ABCC3: variants seen among roughly 807,000 people sequenced by gnomAD.
ABCC3 encodes the protein ATP-binding cassette sub-family C member 3.
In ABCC3, 121 loss-of-function variants were observed where a neutral mutation model predicts 165.3. That is an observed-to-expected ratio of 0.73 (90% confidence interval 0.63 to 0.85). The LOEUF (loss-of-function observed/expected upper bound fraction) is 0.85. ABCC3 is among the 40% of genes least tolerant of loss of function. ABCC3 has a pLI of 0.00. For synonymous variants in ABCC3, 733 were observed against 810.1 expected, an observed-to-expected ratio of 0.90 and a Z score of 1.62; for missense variants, 1,869 against 1,964.1, an observed-to-expected ratio of 0.95 and a Z score of 0.92.
chr17:50,646,658 A>C (rs1471475746), intron 1 of ABCC3, among the ~76,000 whole-genome samples: 2 of 152,194 alleles, frequency 1.3e-5, no homozygotes, highest in Non-Finnish European at 2.9e-5. Flanking sequence ...GGAAGGGGAA[A>C]ACCATGCAGG....
Position 50,634,912 on chromosome 17 carries a change from T to C in ABCC3, c.-25T>C. 8.0e-7 allele frequency: 1 copy of C among 1,253,376 alleles called. No homozygotes were observed. The highest frequency in any genetic ancestry group is 3.3e-5 in the South Asian group (1 of 30,756). The allele number at this position is 1,253,376 out of a possible 1,614,324, so 77.6% of individuals were successfully genotyped here. A position where few individuals can be genotyped will look rare whatever the true frequency, so the allele number is the denominator to read the frequency against. On this transcript the variant is annotated 5_prime_UTR_variant, in exon 1 of 31. Transcript: ENST00000285238. ...GCCGCTGGGTCCGACCGCGCTCGCC[T>C]TCCTTGCAGCCGCGCCTCGGCCCCA...
At chr17:50,655,526 A>C (rs1967219784) in intron 1 of ABCC3, among the ~76,000 whole-genome samples, 1 of 151,984 alleles carries the variant, frequency 6.6e-6, no homozygotes, top group Non-Finnish European at 1.5e-5. Context: ...GCAGTTTTGC[A>C]GGTGTATACA....
chr17:50,690,535 T>G (rs976842551), intron 30 of ABCC3, among the ~76,000 whole-genome samples: 1 of 152,098 alleles, frequency 6.6e-6, no homozygotes, highest in African/African-American at 2.4e-5. Context: ...TTGTACCAGG[T>G]GCACTCGGTG....
rs1277202075 is a variant in ABCC3 at position 50,692,145 on chromosome 17, A to C, written c.*945A>C. The C allele has an allele frequency of 6.6e-6, 1 of 152,306 alleles. No individual in the cohort carries two copies. The highest frequency in any genetic ancestry group is 1.5e-5 in the Non-Finnish European group (1 of 68,094). 9.4% of individuals were successfully genotyped at this position (152,306 alleles called of 1,614,324 possible). A position where few individuals can be genotyped will look rare whatever the true frequency, so the allele number is the denominator to read the frequency against. ...TCTAGCCAAAGCTGAATGTGTGAGC[A>C]CAAAGAAGCCGAGAGGCCACCTCCT... On this transcript the variant is annotated 3_prime_UTR_variant, in exon 31 of 31. Transcript: ENST00000285238.
intron 6 of ABCC3, 50 bp downstream of exon 6, chr17:50,658,546 G>A (rs1967309151): frequency 2.5e-6 from 4 of 1,576,072 alleles, no homozygotes; most frequent in Non-Finnish European, 3.5e-6. Context: ...AGGGATGGAA[G>A]GTGAGATGGA....
chr17:50,676,184 C>T (rs1224203513), intron 22 of ABCC3, 94 bp downstream of exon 22: 24 of 1,590,542 alleles, frequency 1.5e-5, no homozygotes, highest in Non-Finnish European at 1.9e-5. Flanking sequence ...CCAAGCCTCC[C>T]TAACCCACTC....
Position 50,675,351 on chromosome 17 carries a change from C to T in ABCC3, c.2600-11C>T. The T allele has an allele frequency of 6.3e-7, 1 of 1,596,708 alleles. No homozygotes were observed. Among genetic ancestry groups the T allele is most frequent in the Non-Finnish European group, 8.6e-7 (1 of 1,168,896 alleles). On this transcript the variant is annotated splice_polypyrimidine_tract_variant and intron_variant, in intron 19 of 30. Coordinates refer to ENST00000285238, the MANE Select transcript of ABCC3 (RefSeq NM_003786.4). ...GCTGAACCCTATCTCCTTCCTCCCA[C>T]CCTACTGCAGCGTTGGAAGGTGCAG... is the stretch of plus-strand genomic sequence containing the variant.
At chr17:50,652,117 A>G (rs185492211) in intron 1 of ABCC3, among the ~76,000 whole-genome samples, 1 of 152,364 alleles carries the variant, frequency 6.6e-6, no homozygotes, top group East Asian at 1.9e-4. Context: ...TATTTTTCTT[A>G]AAGCCAACAA....
chr17:50,646,331 C>T (rs1390032883), intron 1 of ABCC3, among the ~76,000 whole-genome samples: 5 of 151,860 alleles, frequency 3.3e-5, no homozygotes, highest in South Asian at 2.1e-4. Flanking sequence ...GCAGGAAAGG[C>T]GGGGAGAGGG....
At chr17:50,664,359 A>C in intron 10 of ABCC3, 1 of 529,120 alleles carries the variant, frequency 1.9e-6, no homozygotes, top group Non-Finnish European at 3.4e-6. Flanking sequence ...AACAAAGAAA[A>C]CAGAAAAAAA....
chr17:50,639,162 C>T (rs1199919058), intron 1 of ABCC3, among the ~76,000 whole-genome samples: 1 of 152,246 alleles, frequency 6.6e-6, no homozygotes, highest in African/African-American at 2.4e-5. Context: ...AGCTCACCCT[C>T]CCCTCAGGAA....
chr17:50,676,253 C>T (rs940880405), intron 22 of ABCC3, 25 bp from the exon 23 acceptor site: 3 of 1,601,294 alleles, frequency 1.9e-6, no homozygotes, highest in Non-Finnish European at 2.6e-6. Flanking sequence ...CCAGGTGAGC[C>T]AGCGCCCTCT....
At chr17:50,652,708 A>T (rs1967135314) in intron 1 of ABCC3, among the ~76,000 whole-genome samples, 1 of 152,134 alleles carries the variant, frequency 6.6e-6, no homozygotes, top group African/African-American at 2.4e-5. Flanking sequence ...GGCGTCTCAG[A>T]CTCTGGAGTC....
rs1221729755 is a variant in ABCC3, at chr17:50,675,626, C to T, written c.2715-5C>T. The T allele has an allele frequency of 6.4e-7, 1 of 1,564,576 alleles. No individual in the cohort carries two copies. Among genetic ancestry groups the T allele is most frequent in the Admixed American group, 1.9e-5 (1 of 52,202 alleles). ...CTCCCTGGGCCTGACCAGCTGCCTC[C>T]ACAGACAGCTGAGTGCCCTGTCCTC... is the stretch of plus-strand genomic sequence containing the variant. On this transcript the variant is annotated splice_polypyrimidine_tract_variant and splice_region_variant and intron_variant, in intron 20 of 30. Coordinates refer to ENST00000285238, the MANE Select transcript of ABCC3 (RefSeq NM_003786.4).
intron 13 of ABCC3, 72 bp from the exon 14 acceptor site, chr17:50,668,358 G>A: frequency 7.3e-7 from 1 of 1,363,126 alleles, no homozygotes; most frequent in Non-Finnish European, 1.0e-6. Flanking sequence ...CAGGATGCTG[G>A]GGATGGGGCG....
At position 50,676,465 on chromosome 17, in the gene ABCC3, T is replaced by A; in HGVS notation, c.3255T>A (p.Pro1085=). 6.2e-7 allele frequency: 1 copy of A among 1,614,216 alleles called. No homozygotes were observed. ...DIYVVDEVLA[P]VILMLLNSFF... ...ATGTCGTTGATGAGGTTCTGGCCCCTGTCATCCTCATGCTGCTCAATTCCT... is the reference window on the plus strand; with the variant it reads ...ATGTCGTTGATGAGGTTCTGGCCCCAGTCATCCTCATGCTGCTCAATTCCT... The change falls in exon 23 of 31, where the codon CCT becomes CCA. Residue 1085 remains proline (P), a synonymous_variant. Coordinates refer to ENST00000285238, the MANE Select transcript of ABCC3 (RefSeq NM_003786.4).
intron 29 of ABCC3, 110 bp from the exon 30 acceptor site, chr17:50,687,426 C>A: frequency 9.2e-7 from 1 of 1,086,456 alleles, no homozygotes; most frequent in South Asian, 1.5e-5. Context: ...TGGGAGAAGT[C>A]AGACAGAAAA....
intron 12 of ABCC3, 26 bp from the exon 13 acceptor site, chr17:50,667,837 C>T (rs1337407833): frequency 1.2e-6 from 2 of 1,613,640 alleles, no homozygotes; most frequent in Non-Finnish European, 1.7e-6. Context: ...TGGACTCTAC[C>T]CTGACACCAC....
At chr17:50,644,099 T>C (rs1474089954) in intron 1 of ABCC3, among the ~76,000 whole-genome samples, 1 of 147,860 alleles carries the variant, frequency 6.8e-6, no homozygotes, top group Non-Finnish European at 1.5e-5. Flanking sequence ...GATCACAAGG[T>C]CAGGAGTTCG....
Sources: gnomAD v4.1 joint callset for allele counts (sites outside exome capture counted in the v4.1 genomes callset) on GRCh38, gnomAD v4.1.1 for gene constraint, MANE v1.5 for transcripts, NCBI Gene and HGNC (gene_info 2026-07-23, HGNC 2026-07-21) for gene names.